The following TAFA2 variants were observed in gnomAD, a reference collection of about 807,000 sequenced individuals.
TAFA2 encodes chemokine-like protein TAFA-2.
A neutral mutation model predicts 18.8 loss-of-function variants in TAFA2; 7 were observed. The ratio of observed to expected loss-of-function variants is 0.37; its 90% confidence interval spans 0.21 to 0.70. TAFA2 has a LOEUF of 0.70. Ranked by LOEUF, TAFA2 falls within the 30% of genes least tolerant of loss-of-function variation. The pLI is 0.53. For missense variants in TAFA2, 122 were observed against 158.1 expected (o/e 0.77, Z 1.23); for synonymous variants, 60 against 54.2 (o/e 1.11, Z -0.47).
In TAFA2 at chr12:61,916,734, C is replaced by T. The variant is rs564796886; in HGVS notation, c.-1-49308G>A. On this transcript the variant is annotated intron_variant, in intron 1 of 4. Transcript: ENST00000416284. ...ATTCTGAGTAGAAATACCTGAGCCACGAGTCAGAGTTAATCTGGAGTGTAG... is the reference window on the plus strand; with the variant it reads ...ATTCTGAGTAGAAATACCTGAGCCATGAGTCAGAGTTAATCTGGAGTGTAG... Among the ~76,000 whole-genome samples, 8 of 152,260 alleles carry T rather than the reference C, an allele frequency of 5.3e-5. No homozygotes were observed. The South Asian group carries it at 8.3e-4, about 16-fold the overall frequency.
chr12:61,832,542 T>C (rs191238979), intron 2 of TAFA2, among the ~76,000 whole-genome samples: 69 of 152,154 alleles, frequency 4.5e-4, no homozygotes, highest in African/African-American at 1.6e-3. Context: ...TTTGTCCAAA[T>C]TCCTGATTGA....
At chr12:61,901,824 C>G (rs949117684) in intron 1 of TAFA2, among the ~76,000 whole-genome samples, 3 of 152,074 alleles carry the variant, frequency 2.0e-5, no homozygotes, top group African/African-American at 7.2e-5. Flanking sequence ...TATTACAATA[C>G]AAATAGATAT....
At chr12:61,860,621 C>CT (rs34091788) in intron 2 of TAFA2, among the ~76,000 whole-genome samples, 43,896 of 152,092 alleles carry the variant, frequency 0.29, 6,917 homozygotes, top group South Asian at 0.4. Flanking sequence ...TTGCTCTCTG[C>CT]TCTCCAGTCA....
At chr12:61,753,564 G>C in intron 4 of TAFA2, 58 bp downstream of exon 4, 2 of 1,530,226 alleles carry the variant, frequency 1.3e-6, no homozygotes, top group Non-Finnish European at 1.8e-6. Context: ...TACTGCACAA[G>C]CTCCGTTCTC....
chr12:61,955,632 A>AAATATATATTT (rs1878655397), intron 1 of TAFA2, among the ~76,000 whole-genome samples: 1 of 41,210 alleles, frequency 2.4e-5, no homozygotes. Context: ...AAAAAAAAAA[A>AAATATATATTT]ATATATATAT....
chr12:61,929,340 C>T (rs574896403), intron 1 of TAFA2, among the ~76,000 whole-genome samples: 8 of 152,034 alleles, frequency 5.3e-5, no homozygotes, highest in South Asian at 4.2e-4. Flanking sequence ...AACAAGTGGG[C>T]GAAGGATATG....
intron 1 of TAFA2, among the ~76,000 whole-genome samples, chr12:61,910,118 GTGTGT>G (rs1876545285): frequency 5.3e-5 from 8 of 151,394 alleles, no homozygotes; most frequent in Non-Finnish European, 1.2e-4. Flanking sequence ...GTGTGTGTGT[GTGTGT>G]GTGTGTGTGT....
chr12:62,023,173 T>C (rs1013035745), intron 1 of TAFA2, among the ~76,000 whole-genome samples: 38 of 152,088 alleles, frequency 2.5e-4, no homozygotes, highest in African/African-American at 8.5e-4. Flanking sequence ...TGTTTTCCAA[T>C]AGCAAAATGA....
At chr12:61,818,288 A>T (rs1565644615) in intron 2 of TAFA2, among the ~76,000 whole-genome samples, 1 of 151,810 alleles carries the variant, frequency 6.6e-6, no homozygotes, top group Non-Finnish European at 1.5e-5. Context: ...TTCAGTGCTT[A>T]TTTTTTTTAA....
intron 2 of TAFA2, among the ~76,000 whole-genome samples, chr12:61,844,157 C>T (rs576640247): frequency 6.6e-6 from 1 of 152,084 alleles, no homozygotes; most frequent in East Asian, 1.9e-4. Flanking sequence ...CAAATGAGAC[C>T]CAATGAGAAT....
chr12:62,035,733 CTTTTTTTTTTT>C (rs34859628), intron 1 of TAFA2, among the ~76,000 whole-genome samples: 130 of 60,238 alleles, frequency 2.2e-3, no homozygotes, highest in African/African-American at 2.9e-3. Context: ...ATGATTCTTT[CTTTTTTTTTTT>C]TTTTTTTTTT....
At chr12:61,924,681 C>A (rs1055967270) in intron 1 of TAFA2, among the ~76,000 whole-genome samples, 4 of 152,224 alleles carry the variant, frequency 2.6e-5, no homozygotes, top group South Asian at 2.1e-4. Flanking sequence ...AGTGTATGAA[C>A]GAATGGGTAA....
chr12:61,911,264 C>T (rs1002312441), intron 1 of TAFA2, among the ~76,000 whole-genome samples: 2 of 152,184 alleles, frequency 1.3e-5, no homozygotes, highest in African/African-American at 2.4e-5. Flanking sequence ...TTACTCTGTA[C>T]TCCTACCTTC....
chr12:62,068,273 A>C (rs76252801), intron 1 of TAFA2, among the ~76,000 whole-genome samples: 8,398 of 152,202 alleles, frequency 0.055, 349 homozygotes, highest in Non-Finnish European at 0.085. Context: ...AATCTTCAAG[A>C]AAGTTTAAAC....
chr12:61,835,421 C>T (rs1270735204), intron 2 of TAFA2, among the ~76,000 whole-genome samples: 1 of 151,930 alleles, frequency 6.6e-6, no homozygotes, highest in African/African-American at 2.4e-5. Flanking sequence ...AGGTTTGCTA[C>T]ATGAGTATAT....
At chr12:62,259,247 G>C (rs1225963181), upstream of TAFA2, among the ~76,000 whole-genome samples, 1 of 152,056 alleles carries the variant, frequency 6.6e-6, no homozygotes, top group African/African-American at 2.4e-5. Context: ...CATCATGCTC[G>C]GGAATACTTA....
chr12:62,040,627 C>T (rs528664077), intron 1 of TAFA2, among the ~76,000 whole-genome samples: 1 of 152,062 alleles, frequency 6.6e-6, no homozygotes, highest in African/African-American at 2.4e-5. Context: ...CTGTGCAACA[C>T]CTTGATTTTG....
At chr12:61,937,822 A>G (rs114963056) in intron 1 of TAFA2, among the ~76,000 whole-genome samples, 3,591 of 152,286 alleles carry the variant, frequency 0.024, 156 homozygotes, top group African/African-American at 0.082. Context: ...TAATTAAACA[A>G]AAAGCTTTTG....
intron 2 of TAFA2, among the ~76,000 whole-genome samples, chr12:61,844,677 T>C (rs1017464069): frequency 6.6e-6 from 1 of 152,146 alleles, no homozygotes; most frequent in African/African-American, 2.4e-5. Context: ...TTCAATAAAA[T>C]ATCACAGCAC....
Sources: gnomAD v4.1 joint callset for allele counts (sites outside exome capture counted in the v4.1 genomes callset) on GRCh38, gnomAD v4.1.1 for gene constraint, MANE v1.5 for transcripts, NCBI Gene and HGNC (gene_info 2026-07-23, HGNC 2026-07-21) for gene names.